The following CYRIB variants were observed in gnomAD, a reference collection of about 807,000 sequenced individuals.
The protein encoded by CYRIB is CYFIP related Rac1 interactor B, also known as CYFIP-related Rac1 interactor B.
In CYRIB, 8 loss-of-function variants were observed where a neutral mutation model predicts 44.2. The ratio of observed to expected loss-of-function variants is 0.18; its 90% confidence interval spans 0.11 to 0.33. The LOEUF (loss-of-function observed/expected upper bound fraction) is 0.33, where lower values mean the gene tolerates loss of function less well. Among genes scored for constraint, CYRIB ranks in the 10% least tolerant of loss-of-function variants. The probability of loss-of-function intolerance (pLI) is 1.00; values close to 1 mark genes in which losing one functional copy is unlikely to be tolerated. For missense variants in CYRIB, 185 were observed against 382.8 expected, an observed-to-expected ratio of 0.48 and a Z score of 4.31; for synonymous variants, 131 against 127.2, an observed-to-expected ratio of 1.03 and a Z score of -0.20.
intron 5 of CYRIB, among the ~76,000 whole-genome samples, chr8:129,861,511 C>G (rs1240409214): frequency 6.6e-6 from 1 of 152,116 alleles, no homozygotes; most frequent in Non-Finnish European, 1.5e-5. Flanking sequence ...GTGATCACAG[C>G]TACTGCAGCC....
chr8:130,003,759 C>T (rs2096963637), intron 1 of CYRIB, among the ~76,000 whole-genome samples: 1 of 152,200 alleles, frequency 6.6e-6, no homozygotes, highest in South Asian at 2.1e-4. Flanking sequence ...TTTCCAACCA[C>T]ATTGATCATG....
intron 8 of CYRIB, chr8:129,851,541 G>T: frequency 6.6e-6 from 1 of 152,606 alleles, no homozygotes; most frequent in Non-Finnish European, 1.5e-5. Context: ...AGGCGCGGTG[G>T]CTCATGCCTA....
In CYRIB at chr8:129,854,512, C is replaced by T. The variant is rs184302158; in HGVS notation, c.439-169G>A. ...AGGTGGCTTATAACTGTATTTAGTCCTTACTGAACATATAAAACGAAAGAC... is the reference window on the plus strand; with the variant it reads ...AGGTGGCTTATAACTGTATTTAGTCTTTACTGAACATATAAAACGAAAGAC... On this transcript the variant is annotated intron_variant, in intron 6 of 11. Transcript: ENST00000519824. Among the ~76,000 whole-genome samples, 9 of 152,216 alleles carry T rather than the reference C, an allele frequency of 5.9e-5. No homozygotes were observed. The East Asian group carries it at 1.5e-3, about 26-fold the overall frequency.
chr8:129,928,250 G>C (rs1328858391), intron 1 of CYRIB, among the ~76,000 whole-genome samples: 2 of 149,404 alleles, frequency 1.3e-5, no homozygotes, highest in Non-Finnish European at 3.0e-5. Flanking sequence ...GAGGCAGGAG[G>C]ATTACTTGAG....
intron 1 of CYRIB, among the ~76,000 whole-genome samples, chr8:129,938,508 A>G (rs2093211651): frequency 6.6e-6 from 1 of 152,250 alleles, no homozygotes; most frequent in African/African-American, 2.4e-5. Flanking sequence ...ACACAGAAGT[A>G]GCAAAAAACG....
chr8:129,864,413 A>G (rs1412888456), intron 4 of CYRIB: 1 of 152,680 alleles, frequency 6.5e-6, no homozygotes, highest in Non-Finnish European at 1.5e-5. Flanking sequence ...TGTTTCTTGT[A>G]TTTGTTATTC....
chr8:129,987,372 T>C (rs2096493518), intron 1 of CYRIB, among the ~76,000 whole-genome samples: 1 of 152,112 alleles, frequency 6.6e-6, no homozygotes, highest in Non-Finnish European at 1.5e-5. Context: ...TGGTTGCTAC[T>C]AGGTCCCACT....
rs1456523120 is a variant in CYRIB, at chr8:129,902,131, C to A, written c.-11+1181G>T. ...TCTGAACTGTAAAATACAGAGTAAG[C>A]AAGGTGATAACAATTCTGAAGGACT... On this transcript the variant is annotated intron_variant, in intron 2 of 11. Transcript: ENST00000519824. 3.3e-5 allele frequency among the ~76,000 whole-genome samples: 5 copies of A among 152,246 alleles called. No homozygotes were observed. The East Asian group carries it at 9.6e-4, about 29-fold the overall frequency.
chr8:130,003,485 G>C (rs1038464781), intron 1 of CYRIB, among the ~76,000 whole-genome samples: 2 of 152,168 alleles, frequency 1.3e-5, no homozygotes, highest in Non-Finnish European at 2.9e-5. Flanking sequence ...ACACCTGTTG[G>C]GTTTTCTCTG....
At chr8:129,906,366 C>T (rs1302429694) in intron 1 of CYRIB, among the ~76,000 whole-genome samples, 1 of 152,102 alleles carries the variant, frequency 6.6e-6, no homozygotes, top group Non-Finnish European at 1.5e-5. Context: ...ATTCCCTATT[C>T]AACAAATGGT....
chr8:129,855,628 G>C, exon 6 of CYRIB: 1 of 1,613,800 alleles, frequency 6.2e-7, no homozygotes, highest in Non-Finnish European at 8.5e-7. Flanking sequence ...TCATCAAACC[G>C]GAGTGTGAAA....
At chr8:129,989,794 C>G (rs572809572) in intron 1 of CYRIB, among the ~76,000 whole-genome samples, 2 of 124,738 alleles carry the variant, frequency 1.6e-5, no homozygotes, top group African/African-American at 6.0e-5. Flanking sequence ...TCCCTCCCCC[C>G]TCCCCCCACC....
intron 1 of CYRIB, among the ~76,000 whole-genome samples, chr8:129,931,339 G>A (rs1301576303): frequency 6.6e-6 from 1 of 152,140 alleles, no homozygotes; most frequent in Non-Finnish European, 1.5e-5. Context: ...TTGATATAAA[G>A]AAAGCAAACT....
chr8:129,932,995 G>A (rs373549233), intron 1 of CYRIB, among the ~76,000 whole-genome samples: 22 of 152,262 alleles, frequency 1.4e-4, no homozygotes, highest in Admixed American at 9.2e-4. Context: ...CTCTGGGCTG[G>A]TGGAAGGAGG....
At chr8:130,010,790 CTGAA>C (rs1433553299) in intron 1 of CYRIB, among the ~76,000 whole-genome samples, 3 of 152,132 alleles carry the variant, frequency 2.0e-5, no homozygotes, top group African/African-American at 7.2e-5. Context: ...AGCCTGGCTC[CTGAA>C]TGAATGAAGG....
At chr8:130,005,900 G>A (rs774512818) in intron 1 of CYRIB, among the ~76,000 whole-genome samples, 5 of 151,678 alleles carry the variant, frequency 3.3e-5, no homozygotes, top group Non-Finnish European at 4.4e-5. Flanking sequence ...GCCACCCCAC[G>A]CCCAACACCC....
At position 129,918,791 on chromosome 8, in the gene CYRIB, A is replaced by G. The variant is rs376354978; in HGVS notation, c.-49-15441T>C. Among the ~76,000 whole-genome samples the G allele has an allele frequency of 2.0e-4, 30 of 152,374 alleles. 1 individual carries two copies. The highest frequency in any genetic ancestry group is 1.7e-3 in the East Asian group (9 of 5,186). On this transcript the variant is annotated intron_variant, in intron 1 of 11. Transcript: ENST00000519824. ...TGAATAAGCAAACATCATAAATAAT[A>G]TAAGTACATTAGAATAAATGCAACC...
chr8:129,859,873 G>A (rs1284456881), intron 5 of CYRIB, among the ~76,000 whole-genome samples: 2 of 151,872 alleles, frequency 1.3e-5, no homozygotes, highest in African/African-American at 2.4e-5. Context: ...TCGTGTCCTC[G>A]GTCTCTTGCC....
intron 2 of CYRIB, among the ~76,000 whole-genome samples, chr8:129,964,432 G>A (rs1378049147): frequency 2.0e-5 from 3 of 152,194 alleles, no homozygotes; most frequent in Non-Finnish European, 4.4e-5. Flanking sequence ...AGTGTCAGGA[G>A]AGACGAAGTT....
Sources: gnomAD v4.1 joint callset for allele counts (sites outside exome capture counted in the v4.1 genomes callset) on GRCh38, gnomAD v4.1.1 for gene constraint, MANE v1.5 for transcripts, NCBI Gene and HGNC (gene_info 2026-07-23, HGNC 2026-07-21) for gene names.